ZXDC: variants seen among roughly 807,000 people sequenced by gnomAD.
The protein encoded by ZXDC is ZXD family zinc finger C, also known as zinc finger protein ZXDC.
In ZXDC, 58 loss-of-function variants were observed where a neutral mutation model predicts 63.6. The ratio of observed to expected loss-of-function variants is 0.91; its 90% CI spans 0.74 to 1.13. The LOEUF (loss-of-function observed/expected upper bound fraction) is 1.13. Ranked by LOEUF, ZXDC falls within the 50% of genes most tolerant of loss-of-function variation. The pLI is 0.00. For synonymous variants in ZXDC, 561 were observed against 496.1 expected, an observed-to-expected ratio of 1.13 and a Z score of -1.74; for missense variants, 1,133 against 1,148.9, an observed-to-expected ratio of 0.99 and a Z score of 0.20.
In ZXDC at chr3:126,472,035, A is replaced by C; in HGVS notation, c.1077T>G (p.Ile359Met). Residue 359 changes from isoleucine to methionine, a missense_variant, in exon 3 of 10, where the codon ATT (isoleucine) becomes ATG (methionine). Physicochemically the swap from Ile to Met is conservative, Grantham distance 10. Transcript: ENST00000389709. ...TCCAGCCACAGCTGTCAGAGTCACA[A>C]ATAAATGGTCTTTCACCTTATAAAA... The part of the protein sequence containing the change: ...LRSHTGERPF[I>M]CDSDSCGWTF... The C allele has an allele frequency of 1.2e-6, 2 of 1,613,804 alleles. No homozygotes were observed. Among genetic ancestry groups the C allele is most frequent in the Non-Finnish European group, 1.7e-6 (2 of 1,179,894 alleles).
intron 7 of ZXDC, among the ~76,000 whole-genome samples, chr3:126,444,840 G>A (rs1323136865): frequency 6.6e-6 from 1 of 152,044 alleles, no homozygotes; most frequent in Non-Finnish European, 1.5e-5. Flanking sequence ...ATCAGAATTG[G>A]GTGCAAAATC....
chr3:126,452,248 C>T lies in ZXDC; in HGVS notation c.2212+7405G>A, dbSNP rs1419244028. The T allele has an allele frequency of 6.1e-6, 6 of 985,332 alleles. No individual in the cohort carries two copies. The African/African-American group carries it at 7.0e-5, about 11-fold the overall frequency. 61.0% of individuals were successfully genotyped at this position (985,332 alleles called of 1,614,324 possible). Reference sequence around the variant, plus strand: ...AGTGCAAATCCTCTATGTCATTTTCCGTTTTCTTAGACGTTCTTGTCCATA... The same window carrying T: ...AGTGCAAATCCTCTATGTCATTTTCTGTTTTCTTAGACGTTCTTGTCCATA... On this transcript the variant is annotated intron_variant, in intron 7 of 9. Coordinates refer to ENST00000389709, the MANE Select transcript of ZXDC (RefSeq NM_025112.5).
chr3:126,458,053 T>C (rs928444982), intron 7 of ZXDC, among the ~76,000 whole-genome samples: 2 of 152,170 alleles, frequency 1.3e-5, no homozygotes, highest in African/African-American at 4.8e-5. Flanking sequence ...AGATGATGTA[T>C]CAACCAGTAG....
chr3:126,439,543 C>T, intron 9 of ZXDC, 89 bp downstream of exon 9: 1 of 1,548,100 alleles, frequency 6.5e-7, no homozygotes, highest in Non-Finnish European at 8.7e-7. Context: ...GCCTCAGTGA[C>T]CAGCCTGCAG....
chr3:126,452,202 C>T (rs746884931), intron 7 of ZXDC: 15 of 985,306 alleles, frequency 1.5e-5, no homozygotes, highest in Non-Finnish European at 1.8e-5. Context: ...CTGCCACAGC[C>T]TTGCGTGAAG....
chr3:126,439,678 G>A lies in ZXDC; in HGVS notation c.2444C>T (p.Thr815Ile), dbSNP rs1250940838. The change falls in exon 9 of 10, where the codon ACC becomes ATC. Residue 815 changes from threonine to isoleucine, a missense_variant. Physicochemically the swap from Thr to Ile is moderately conservative, Grantham distance 89. Coordinates refer to ENST00000389709, the MANE Select transcript of ZXDC (RefSeq NM_025112.5). The stretch of plus-strand genomic sequence containing the variant: ...GTCCACAGTGAGGAAGGGGAGGAAG[G>A]TGGCTGGGCCGCGGGCCGAGGGCAG... Reference protein sequence around the residue: ...GVLPSARGPATFLPFLTVDLP... With the variant: ...GVLPSARGPAIFLPFLTVDLP... 6 of 1,553,644 alleles carry A rather than the reference G, an allele frequency of 3.9e-6. No individual in the cohort carries two copies. Among genetic ancestry groups the A allele is most frequent in the South Asian group, 1.2e-5 (1 of 84,172 alleles).
chr3:126,458,161 C>A (rs558828175), intron 7 of ZXDC, among the ~76,000 whole-genome samples: 2 of 151,650 alleles, frequency 1.3e-5, no homozygotes, highest in South Asian at 2.1e-4. Context: ...TTGCTAGATA[C>A]TGACATTAAG....
intron 6 of ZXDC, 163 bp from the exon 7 acceptor site, chr3:126,459,900 G>C: frequency 3.0e-6 from 3 of 985,468 alleles, no homozygotes; most frequent in Non-Finnish European, 3.6e-6. Context: ...ATCCACTTGT[G>C]GCGAGGGCCG....
rs138231851 is a variant in ZXDC, at chr3:126,437,717, ACT to A, written c.*656_*657del. Reference sequence around the variant, plus strand: ...ATTTAGAAAATTATTTTAAATTTTAACTCTACCATCCCCCCGAGCTCTCGGCT... The same window carrying A: ...ATTTAGAAAATTATTTTAAATTTTAACTACCATCCCCCCGAGCTCTCGGCT... On this transcript the variant is annotated 3_prime_UTR_variant, in exon 10 of 10. Coordinates refer to ENST00000389709, the MANE Select transcript of ZXDC (RefSeq NM_025112.5). 2,421 of 152,378 alleles carry A rather than the reference ACT, an allele frequency of 0.016. 73 individuals carry two copies. The highest frequency in any genetic ancestry group is 0.13 in the South Asian group (638 of 4,824). The allele number at this position is 152,378 out of a possible 1,614,324, so 9.4% of individuals were successfully genotyped here.
Position 126,454,021 on chromosome 3 carries a change from A to G in ZXDC, c.2212+5632T>C, listed in dbSNP as rs112757314. 4.6e-4 allele frequency: 369 copies of G among 797,210 alleles called. 1 individual carries two copies. The African/African-American group carries it at 6.7e-3, about 14-fold the overall frequency. The allele number at this position is 797,210 out of a possible 1,614,324, so 49.4% of individuals were successfully genotyped here. On this transcript the variant is annotated intron_variant, in intron 7 of 9. Transcript: ENST00000389709. ...CATATATATATATAAGCAGTACTAT[A>G]TATTATGTATATATATAGGTAGTAC...
chr3:126,466,342 A>T lies in ZXDC; in HGVS notation c.1271-17T>A. 6.2e-7 allele frequency: 1 copy of T among 1,614,082 alleles called. No individual in the cohort carries two copies. The highest frequency in any genetic ancestry group is 1.1e-5 in the South Asian group (1 of 91,070). ...CGCAACATCCTGGAACAAAAAGAGT[A>T]ATGAGAGTGAAACCCAAGGATCACC... is the stretch of plus-strand genomic sequence containing the variant. On this transcript the variant is annotated splice_polypyrimidine_tract_variant and intron_variant, in intron 4 of 9. Coordinates refer to ENST00000389709, the MANE Select transcript of ZXDC (RefSeq NM_025112.5).
In ZXDC at chr3:126,472,334, A is replaced by G. The variant is rs371114645; in HGVS notation, c.908-29T>C. 324 of 1,593,488 alleles carry G rather than the reference A, an allele frequency of 2.0e-4. 1 individual carries two copies. The African/African-American group carries it at 4.1e-3, about 20-fold the overall frequency. On this transcript the variant is annotated intron_variant, in intron 1 of 9. Transcript: ENST00000389709. Reference sequence around the variant, plus strand: ...AACAAGGAAAACACAAACCCTGCTCAAAGCGTGGCAAAAATTATACAACAT... The same window carrying G: ...AACAAGGAAAACACAAACCCTGCTCGAAGCGTGGCAAAAATTATACAACAT...
chr3:126,459,103 A>G (rs1934420427), intron 7 of ZXDC: 2 of 985,456 alleles, frequency 2.0e-6, no homozygotes, highest in African/African-American at 1.7e-5. Flanking sequence ...ACTACATCCC[A>G]CTATTCCATT....
intron 1 of ZXDC, among the ~76,000 whole-genome samples, chr3:126,473,038 T>A (rs1184667228): frequency 6.6e-5 from 10 of 152,180 alleles, no homozygotes; most frequent in Admixed American, 6.5e-4. Context: ...CGAGATACTA[T>A]CATGCCTATG....
At chr3:126,453,665 A>G (rs981250831) in intron 7 of ZXDC, 45 of 985,062 alleles carry the variant, frequency 4.6e-5, no homozygotes, top group Non-Finnish European at 5.4e-5. Flanking sequence ...TGGCCTATCC[A>G]TTTTCCTGTA....
chr3:126,460,760 T>A (rs564371487), intron 6 of ZXDC: 15 of 985,436 alleles, frequency 1.5e-5, no homozygotes, highest in Admixed American at 1.2e-4. Context: ...GGTGGCTCCA[T>A]GGAGCCTCAG....
intron 3 of ZXDC, among the ~76,000 whole-genome samples, chr3:126,471,375 C>A (rs149909911): frequency 3.4e-4 from 52 of 152,312 alleles, no homozygotes; most frequent in Admixed American, 1.3e-4. Context: ...GAGCGACAGA[C>A]GGTCGTGAGA....
rs1474930365 is a variant in ZXDC at position 126,459,025 on chromosome 3, C to CA, written c.2212+627dup. 4.1e-6 allele frequency: 4 copies of CA among 983,836 alleles called. No homozygotes were observed. In the East Asian group the frequency reaches 3.4e-4, roughly 84 times the overall value. The allele number at this position is 983,836 out of a possible 1,614,324, so 60.9% of individuals were successfully genotyped here. The stretch of plus-strand genomic sequence containing the variant: ...AAATACAAAGGACAAATGAAATACA[C>CA]AAAAAACAATATATTTTAAAAATCC... On this transcript the variant is annotated intron_variant, in intron 7 of 9. Coordinates refer to ENST00000389709, the MANE Select transcript of ZXDC (RefSeq NM_025112.5).
In ZXDC at chr3:126,475,621, G is replaced by C; in HGVS notation, c.245C>G (p.Pro82Arg). Residue 82 changes from proline (P) to arginine (R), a missense_variant, in exon 1 of 10, where the codon CCG (proline) becomes CGG (arginine). Physicochemically the swap from Pro to Arg is moderately radical, Grantham distance 103. Coordinates refer to ENST00000389709, the MANE Select transcript of ZXDC (RefSeq NM_025112.5). ...AGCCTCGGCGGCAGCGCCGCCGTGC[G>C]GCACTTCCAGCAGCACCAAGAAAGA... ...GDSFLVLLEV[P>R]HGGAAAEAAG... 1 of 1,475,688 alleles carries C rather than the reference G, an allele frequency of 6.8e-7. No homozygotes were observed. The highest frequency in any genetic ancestry group is 9.0e-7 in the Non-Finnish European group (1 of 1,112,230). 91.4% of individuals were successfully genotyped at this position (1,475,688 alleles called of 1,614,324 possible).
Sources: gnomAD v4.1 joint callset for allele counts (sites outside exome capture counted in the v4.1 genomes callset) on GRCh38, gnomAD v4.1.1 for gene constraint, MANE v1.5 for transcripts, NCBI Gene and HGNC (gene_info 2026-07-23, HGNC 2026-07-21) for gene names.